Variants in VRTN observed in about 807,000 individuals in gnomAD.
The protein encoded by VRTN is vertnin.
A neutral mutation model predicts 18.2 loss-of-function variants in VRTN; 5 were observed. That is an observed-to-expected ratio of 0.27 (90% CI 0.14 to 0.58). The LOEUF (loss-of-function observed/expected upper bound fraction) is 0.58, where lower values mean the gene tolerates loss of function less well. Among genes scored for constraint, VRTN ranks in the 20% least tolerant of loss-of-function variants. The pLI is 0.91. For synonymous variants in VRTN, 381 were observed against 393.7 expected (o/e 0.97, Z 0.38); for missense variants, 741 against 939.4 (o/e 0.79, Z 2.76).
At chr14:74,321,016 A>G (rs1470047461) in intron 1 of VRTN, among the ~76,000 whole-genome samples, 2 of 151,988 alleles carry the variant, frequency 1.3e-5, no homozygotes, top group African/African-American at 4.8e-5. Context: ...CTGGAAATGC[A>G]TATAAAGTTT....
In VRTN at chr14:74,358,627, C is replaced by G; in HGVS notation, c.1844C>G (p.Ala615Gly). The change falls in exon 2 of 2, where the codon GCC becomes GGC. Residue 615 changes from alanine to glycine, a missense_variant. This residue lies in a region of VRTN where 494 missense variants were observed against 546.5 expected (regional missense o/e 0.90). Transcript: ENST00000256362. This position sits in a 1 kb window ranked among gnomAD's most constrained non-coding sequence, Gnocchi z 5.4. ...REGALQEGAT[A>G]QGQPHSGPLL... ...GGGGCCCTGCAGGAGGGGGCCACAG[C>G]CCAGGGCCAGCCCCACAGTGGGCCC... 1 of 1,606,146 alleles carries G rather than the reference C, an allele frequency of 6.2e-7. No homozygotes were observed. The highest frequency in any genetic ancestry group is 8.5e-7 in the Non-Finnish European group (1 of 1,175,958).
At chr14:74,334,804 C>G (rs1394002484) in intron 1 of VRTN, among the ~76,000 whole-genome samples, 6 of 152,182 alleles carry the variant, frequency 3.9e-5, no homozygotes, top group African/African-American at 1.4e-4. Context: ...CTTGCATACT[C>G]CCAGGTACAT....
intron 1 of VRTN, among the ~76,000 whole-genome samples, chr14:74,328,823 C>T (rs911060569): frequency 6.6e-6 from 1 of 152,066 alleles, no homozygotes; most frequent in Non-Finnish European, 1.5e-5. Context: ...CATGGTGAAA[C>T]CTTGTCTCTA....
At chr14:74,316,036 G>A (rs1369870016) in intron 1 of VRTN, among the ~76,000 whole-genome samples, 1 of 152,176 alleles carries the variant, frequency 6.6e-6, no homozygotes, top group Non-Finnish European at 1.5e-5. Context: ...AATTCTCAAA[G>A]GAGCTGATAG....
At chr14:74,315,270 G>C (rs1007977892) in intron 1 of VRTN, among the ~76,000 whole-genome samples, 2 of 152,252 alleles carry the variant, frequency 1.3e-5, no homozygotes, top group South Asian at 4.1e-4. Flanking sequence ...CTGGCTTGTA[G>C]CGGTGTGATC....
At chr14:74,321,388 G>A (rs1454583895) in intron 1 of VRTN, among the ~76,000 whole-genome samples, 1 of 152,162 alleles carries the variant, frequency 6.6e-6, no homozygotes, top group African/African-American at 2.4e-5. Context: ...CAAAACTGAG[G>A]CATGGAAAGG....
At position 74,312,306 on chromosome 14, in the gene VRTN, T is replaced by C. The variant is rs118125092; in HGVS notation, c.-164+9130T>C. On this transcript the variant is annotated intron_variant, in intron 1 of 2. Coordinates refer to the VRTN transcript ENST00000557177. ...GTTTAAAAGAAGATAGGCTCCATAT[T>C]TTGTTTTTTAAAAGCATGTTTGTGT... is the stretch of plus-strand genomic sequence containing the variant. 8.7e-4 allele frequency among the ~76,000 whole-genome samples: 133 copies of C among 152,326 alleles called. 2 individuals are homozygous for C. The East Asian group carries it at 0.019, about 22-fold the overall frequency.
chr14:74,308,764 C>G (rs1275752313), intron 1 of VRTN, among the ~76,000 whole-genome samples: 1 of 152,176 alleles, frequency 6.6e-6, no homozygotes, highest in Admixed American at 6.5e-5. Context: ...GATCTGCTGG[C>G]CTTGGCCTCC....
At chr14:74,349,621 A>C (rs1376551898) in intron 1 of VRTN, among the ~76,000 whole-genome samples, 1 of 152,266 alleles carries the variant, frequency 6.6e-6, no homozygotes, top group African/African-American at 2.4e-5. Context: ...GGCCAGGCTC[A>C]TAACAGCAGA....
At chr14:74,337,463 G>C (rs920248291) in intron 1 of VRTN, among the ~76,000 whole-genome samples, 1 of 152,164 alleles carries the variant, frequency 6.6e-6, no homozygotes, top group Non-Finnish European at 1.5e-5. Flanking sequence ...GGAGTTGGGA[G>C]TAAACTAACC....
chr14:74,329,099 T>C (rs1013464012), intron 1 of VRTN, among the ~76,000 whole-genome samples: 7 of 152,026 alleles, frequency 4.6e-5, no homozygotes, highest in African/African-American at 1.7e-4. Context: ...GGAGAAACTC[T>C]GTCTCTACTA....
chr14:74,357,002 C>G lies in VRTN; in HGVS notation c.219C>G (p.Asn73Lys), dbSNP rs370853577. The stretch of plus-strand genomic sequence containing the variant: ...TGTATCCAGAAGATGCTCCACGGAA[C>G]ATGCTGCCGCTGGTGTGCAAGGGGG... ...LSLYPEDAPR[N>K]MLPLVCKGEG... Residue 73 changes from asparagine to lysine, a missense_variant, in exon 2 of 2, where the codon AAC becomes AAG. Coordinates refer to ENST00000256362, the MANE Select transcript of VRTN (RefSeq NM_018228.3). This position sits in a 1 kb window ranked among gnomAD's most constrained non-coding sequence, Gnocchi z 7.8. The G allele has an allele frequency of 6.2e-7, 1 of 1,610,172 alleles. No homozygotes were observed. The highest frequency in any genetic ancestry group is 1.3e-5 in the African/African-American group (1 of 74,880).
intron 2 of VRTN, among the ~76,000 whole-genome samples, chr14:74,338,417 A>G (rs2085579207): frequency 6.6e-6 from 1 of 152,230 alleles, no homozygotes; most frequent in Non-Finnish European, 1.5e-5. Flanking sequence ...AAGTCATGGT[A>G]GCTCTCATTA....
chr14:74,329,876 C>CTTTTTTTT (rs61567546), intron 1 of VRTN, among the ~76,000 whole-genome samples: 20 of 135,528 alleles, frequency 1.5e-4, no homozygotes, highest in African/African-American at 3.3e-4. Flanking sequence ...CGGGCCTGGG[C>CTTTTTTTT]TTTTTTTTTT....
At chr14:74,335,508 C>T (rs1425897911) in intron 1 of VRTN, among the ~76,000 whole-genome samples, 1 of 97,804 alleles carries the variant, frequency 1.0e-5, no homozygotes, top group Non-Finnish European at 2.0e-5. Flanking sequence ...AGCCACTGTA[C>T]TAAATGCCTG....
intron 1 of VRTN, among the ~76,000 whole-genome samples, chr14:74,314,470 C>T (rs940872198): frequency 2.1e-5 from 3 of 144,290 alleles, no homozygotes; most frequent in African/African-American, 7.9e-5. Flanking sequence ...AATCTCGGCT[C>T]ACTGCAACCT....
At chr14:74,346,311 GA>G (rs1197535180), upstream of VRTN, among the ~76,000 whole-genome samples, 2 of 151,956 alleles carry the variant, frequency 1.3e-5, no homozygotes, top group Non-Finnish European at 2.9e-5. Flanking sequence ...AAAAAGAAAA[GA>G]AAAGAAAAGA....
rs1396838346 is a variant in VRTN at position 74,308,869 on chromosome 14, T to G, written c.-164+5693T>G. 4.2e-3 allele frequency among the ~76,000 whole-genome samples: 625 copies of G among 149,528 alleles called. 5 individuals carry two copies. Among genetic ancestry groups the G allele is most frequent in the Middle Eastern group, 0.014 (4 of 290 alleles). ...CCTATTGCTCCAACTTCTGTTTGTTTTTTTTTTTTTTTTGAGACAGTCTTG... is the reference window on the plus strand; with the variant it reads ...CCTATTGCTCCAACTTCTGTTTGTTGTTTTTTTTTTTTTGAGACAGTCTTG... On this transcript the variant is annotated intron_variant, in intron 1 of 2. Coordinates refer to the VRTN transcript ENST00000557177.
chr14:74,303,308 T>C (rs1213164342), intron 1 of VRTN: 1 of 176,116 alleles, frequency 5.7e-6, no homozygotes, highest in Non-Finnish European at 1.2e-5. Context: ...CCCAGCACTT[T>C]GGAAGGCCAA....
Sources: allele counts gnomAD v4.1 joint callset (sites outside exome capture counted in the v4.1 genomes callset), GRCh38; gene constraint gnomAD v4.1.1; regional missense constraint gnomAD v4.1.1; non-coding constraint Gnocchi (gnomAD v3.1); transcripts MANE v1.5; gene names NCBI Gene and HGNC (gene_info 2026-07-23, HGNC 2026-07-21).